The following HECW1 variants were observed in gnomAD, a reference collection of about 807,000 sequenced individuals.
The protein encoded by HECW1 is HECT, C2 and WW domain containing E3 ubiquitin protein ligase 1.
HECW1 carries 61 observed loss-of-function variants against 182.3 expected under a neutral mutation model. The observed-to-expected ratio is 0.33, with a 90% CI of 0.27 to 0.41. HECW1 has a LOEUF of 0.41. Ranked by LOEUF, HECW1 falls within the 10% of genes least tolerant of loss-of-function variation. The pLI is 1.00. For missense variants in HECW1, 1,739 were observed against 2,108.9 expected, an observed-to-expected ratio of 0.82 and a Z score of 3.44; for synonymous variants, 859 against 832.6, an observed-to-expected ratio of 1.03 and a Z score of -0.55.
At chr7:43,396,313 T>C (rs1329145626) in intron 6 of HECW1, among the ~76,000 whole-genome samples, 1 of 152,174 alleles carries the variant, frequency 6.6e-6, no homozygotes, top group Non-Finnish European at 1.5e-5. Flanking sequence ...AAGAGAGACC[T>C]CAGAAGAGCT....
chr7:43,480,843 A>T (rs142038470), intron 17 of HECW1, among the ~76,000 whole-genome samples: 71 of 152,284 alleles, frequency 4.7e-4, no homozygotes, highest in African/African-American at 1.6e-3. Context: ...CCTCCTCCAG[A>T]TAGCAAACAT....
At position 43,339,753 on chromosome 7, in the gene HECW1, G is replaced by A. The variant is rs1172620251; in HGVS notation, c.460+19011G>A. 5.3e-5 allele frequency among the ~76,000 whole-genome samples: 8 copies of A among 152,126 alleles called. No homozygotes were observed. The East Asian group carries it at 7.7e-4, about 15-fold the overall frequency. On this transcript the variant is annotated intron_variant, in intron 5 of 29. Transcript: ENST00000395891. ...CCTTGTCCAATAAGAGGGGAGCTCC[G>A]CGGGGTGCAGTCCAATTCTGGTAAG...
intron 5 of HECW1, among the ~76,000 whole-genome samples, chr7:43,321,951 A>C (rs1810172333): frequency 6.6e-6 from 1 of 152,246 alleles, no homozygotes; most frequent in South Asian, 2.1e-4. Flanking sequence ...CTCATGCAGA[A>C]TGAATAGACA....
At position 43,153,461 on chromosome 7, in the gene HECW1, T is replaced by G. The variant is rs772671863; in HGVS notation, c.-32+39070T>G. On this transcript the variant is annotated intron_variant, in intron 2 of 29. Transcript: ENST00000395891. The stretch of plus-strand genomic sequence containing the variant: ...AGTTACATTCAACCCGTACATTATT[T>G]TAAGGGGAAAAAAGTCTTTCTCATG... Among the ~76,000 whole-genome samples, 10 of 152,318 alleles carry G rather than the reference T, an allele frequency of 6.6e-5. No homozygotes were observed. In the East Asian group the frequency reaches 1.7e-3, roughly 26 times the overall value.
At chr7:43,274,435 A>T in intron 3 of HECW1, 1 of 636,740 alleles carries the variant, frequency 1.6e-6, no homozygotes, top group Non-Finnish European at 2.9e-6. Flanking sequence ...CACCCACAAC[A>T]CATACAGGGA....
chr7:43,496,145 G>A (rs184728378), intron 19 of HECW1, among the ~76,000 whole-genome samples: 141 of 150,872 alleles, frequency 9.3e-4, no homozygotes, highest in Non-Finnish European at 1.8e-3. Context: ...GCAGAGCTGG[G>A]GGAACTTGAA....
intron 2 of HECW1, among the ~76,000 whole-genome samples, chr7:43,159,454 A>T (rs1446667205): frequency 6.7e-6 from 1 of 148,750 alleles, no homozygotes; most frequent in Non-Finnish European, 1.5e-5. Flanking sequence ...TCTGGCTTTT[A>T]TATCCTTTTA....
At chr7:43,473,596 C>G (rs2078105522) in intron 16 of HECW1, among the ~76,000 whole-genome samples, 1 of 150,872 alleles carries the variant, frequency 6.6e-6, no homozygotes, top group Admixed American at 6.6e-5. Flanking sequence ...TGTATAATAA[C>G]AGTCTGGATC....
At chr7:43,541,699 T>C (rs2081369297) in intron 25 of HECW1, among the ~76,000 whole-genome samples, 170 bp from the exon 26 acceptor site, 1 of 152,240 alleles carries the variant, frequency 6.6e-6, no homozygotes, top group Non-Finnish European at 1.5e-5. Flanking sequence ...AGGAAAATCA[T>C]TGAATGAACT....
rs180711543 is a variant in HECW1 at position 43,185,639 on chromosome 7, G to A, written c.-31-58236G>A. On this transcript the variant is annotated intron_variant, in intron 2 of 29. Coordinates refer to ENST00000395891, the MANE Select transcript of HECW1 (RefSeq NM_015052.5). ...GCCAAGGGTCACAGAAGTATTCTTT[G>A]CTGATTATTGTATGAGAGTAGGAGA... 3.8e-3 allele frequency among the ~76,000 whole-genome samples: 577 copies of A among 152,270 alleles called. 3 individuals carry two copies. Among genetic ancestry groups the A allele is most frequent in the African/African-American group, 0.013 (546 of 41,554 alleles).
At chr7:43,378,990 G>C (rs556959644) in intron 6 of HECW1, among the ~76,000 whole-genome samples, 1 of 152,190 alleles carries the variant, frequency 6.6e-6, no homozygotes, top group South Asian at 2.1e-4. Context: ...TTGCTTATGG[G>C]GGGGCGGTGT....
chr7:43,523,183 T>C (rs2080585478), intron 24 of HECW1: 1 of 289,998 alleles, frequency 3.4e-6, no homozygotes, highest in Non-Finnish European at 7.0e-6. Context: ...TTTGTGTTTT[T>C]AGTACATAAG....
intron 7 of HECW1, among the ~76,000 whole-genome samples, chr7:43,398,771 CA>C (rs2075312984): frequency 2.0e-5 from 3 of 152,320 alleles, no homozygotes; most frequent in African/African-American, 7.2e-5. Flanking sequence ...TAGTATCACT[CA>C]AATCAGTCTC....
At chr7:43,451,646 T>C (rs1165045934) in intron 12 of HECW1, among the ~76,000 whole-genome samples, 1 of 152,204 alleles carries the variant, frequency 6.6e-6, no homozygotes, top group East Asian at 1.9e-4. Context: ...TTGACCTAGA[T>C]AGTCTCTAGA....
At chr7:43,181,946 G>A (rs538899171) in intron 2 of HECW1, among the ~76,000 whole-genome samples, 7 of 150,688 alleles carry the variant, frequency 4.6e-5, no homozygotes, top group South Asian at 4.2e-4. Flanking sequence ...CACCACGCCC[G>A]GCTAATTTTT....
chr7:43,407,663 C>T lies in HECW1; in HGVS notation c.733C>T (p.Pro245Ser). 6.2e-7 allele frequency: 1 copy of T among 1,614,112 alleles called. No individual in the cohort carries two copies. Among genetic ancestry groups the T allele is most frequent in the Admixed American group, 1.7e-5 (1 of 60,016 alleles). Residue 245 changes from proline to serine, a missense_variant, in exon 8 of 30, where the codon CCT becomes TCT. Coordinates refer to ENST00000395891, the MANE Select transcript of HECW1 (RefSeq NM_015052.5). ...GAAACACAGCATCTTCCCCGCCCTC[C>T]CTCACCATGGACAGGAGAGGAGATC... ...PGKHSIFPAL[P>S]HHGQERRSKI...
intron 2 of HECW1, among the ~76,000 whole-genome samples, chr7:43,191,281 C>T (rs887722592): frequency 2.0e-5 from 3 of 152,164 alleles, no homozygotes; most frequent in African/African-American, 7.2e-5. Flanking sequence ...AAGAGTACCC[C>T]CAGACTAGAA....
chr7:43,509,074 G>C lies in HECW1; in HGVS notation c.3972G>C (p.Thr1324=). 1 of 1,614,090 alleles carries C rather than the reference G, an allele frequency of 6.2e-7. No homozygotes were observed. Among genetic ancestry groups the C allele is most frequent in the Non-Finnish European group, 8.5e-7 (1 of 1,179,990 alleles). ...AGTACTCGGCAAATGATACTTACAC[G>C]GTGCAGATCAGCCCCATGTCCGCAT... ...LFEYSANDTY[T]VQISPMSAFV... The change falls in exon 24 of 30, where the codon ACG becomes ACC. Residue 1324 remains threonine, a synonymous_variant. Coordinates refer to ENST00000395891, the MANE Select transcript of HECW1 (RefSeq NM_015052.5).
At chr7:43,363,687 C>T (rs11760205) in intron 6 of HECW1, among the ~76,000 whole-genome samples, 27,299 of 152,074 alleles carry the variant, frequency 0.18, 2,961 homozygotes, top group Middle Eastern at 0.3. Flanking sequence ...TGTATTTTCA[C>T]GGGCAATTAG....
Sources: gnomAD v4.1 joint callset for allele counts (sites outside exome capture counted in the v4.1 genomes callset) on GRCh38, gnomAD v4.1.1 for gene constraint, MANE v1.5 for transcripts, NCBI Gene and HGNC (gene_info 2026-07-23, HGNC 2026-07-21) for gene names.